NELL1: variants seen among roughly 807,000 people sequenced by gnomAD.
NELL1 encodes neural EGFL like 1.
Under a neutral mutation model 107.4 loss-of-function variants are expected in NELL1, and 76 were observed. That is an observed-to-expected ratio of 0.71 (90% CI 0.59 to 0.86). The LOEUF (loss-of-function observed/expected upper bound fraction) is 0.86. Among genes scored for constraint, NELL1 ranks in the 40% least tolerant of loss-of-function variants. The pLI, the probability that NELL1 is intolerant of heterozygous loss-of-function variation, is 0.00. For synonymous variants in NELL1, 353 were observed against 341.2 expected (o/e 1.03, Z -0.38); for missense variants, 1,024 against 1,005.5 (o/e 1.02, Z -0.25).
At chr11:20,797,117 C>T (rs754147773) in intron 3 of NELL1, among the ~76,000 whole-genome samples, 24 of 152,062 alleles carry the variant, frequency 1.6e-4, no homozygotes, top group African/African-American at 5.6e-4. Flanking sequence ...GTAAGCAATG[C>T]GTAATGGTTT....
chr11:20,744,590 G>T (rs1407521958), intron 2 of NELL1, among the ~76,000 whole-genome samples: 1 of 152,232 alleles, frequency 6.6e-6, no homozygotes, highest in South Asian at 2.1e-4. Flanking sequence ...TGCTCCATAG[G>T]TGGTCCTTCT....
intron 12 of NELL1, among the ~76,000 whole-genome samples, chr11:21,051,425 G>A (rs1015763135): frequency 6.6e-6 from 1 of 151,824 alleles, no homozygotes; most frequent in Admixed American, 6.6e-5. Flanking sequence ...ACTATACATT[G>A]GGTACGTGTA....
In NELL1 at chr11:21,515,424, G is replaced by A. The variant is rs143969314; in HGVS notation, c.1646-18950G>A. On this transcript the variant is annotated intron_variant, in intron 15 of 19. Coordinates refer to ENST00000357134, the MANE Select transcript of NELL1 (RefSeq NM_006157.5). ...AACATGTTTAACTAATTCTCTGTGG[G>A]GGGCCTTCCTCTTGCTACCTGCCAC... 1.2e-4 allele frequency among the ~76,000 whole-genome samples: 18 copies of A among 152,212 alleles called. No individual in the cohort carries two copies. In the East Asian group the frequency reaches 3.5e-3, roughly 29 times the overall value.
intron 2 of NELL1, among the ~76,000 whole-genome samples, chr11:20,748,309 T>C (rs1373544315): frequency 2.6e-5 from 4 of 152,240 alleles, no homozygotes; most frequent in Non-Finnish European, 4.4e-5. Context: ...TTTTGATTCC[T>C]TGAATACCTC....
intron 14 of NELL1, among the ~76,000 whole-genome samples, chr11:21,342,416 G>T (rs1342262611): frequency 2.7e-5 from 4 of 148,802 alleles, no homozygotes; most frequent in African/African-American, 7.4e-5. Context: ...TTAAGTGGGG[G>T]GGGGGGTCAC....
chr11:20,835,192 C>A (rs1390335750), intron 3 of NELL1, among the ~76,000 whole-genome samples: 1 of 152,122 alleles, frequency 6.6e-6, no homozygotes, highest in Non-Finnish European at 1.5e-5. Flanking sequence ...CTCACATCAC[C>A]GTTCAAGATT....
chr11:21,293,429 C>A (rs1849313374), intron 14 of NELL1, among the ~76,000 whole-genome samples: 1 of 152,090 alleles, frequency 6.6e-6, no homozygotes, highest in Non-Finnish European at 1.5e-5. Flanking sequence ...AGTCAGGAGA[C>A]AACAGATGCT....
chr11:20,730,435 A>T (rs1855612747), intron 2 of NELL1, among the ~76,000 whole-genome samples: 1 of 152,172 alleles, frequency 6.6e-6, no homozygotes, highest in African/African-American at 2.4e-5. Context: ...CACAAATTTA[A>T]GTCCATTGTA....
chr11:20,952,183 G>C (rs746778708), intron 11 of NELL1, among the ~76,000 whole-genome samples: 1 of 152,072 alleles, frequency 6.6e-6, no homozygotes, highest in African/African-American at 2.4e-5. Context: ...CTGGTAATCA[G>C]CTCTAATTGT....
intron 12 of NELL1, among the ~76,000 whole-genome samples, chr11:20,964,854 G>A (rs1290393932): frequency 1.3e-5 from 2 of 151,980 alleles, no homozygotes; most frequent in Non-Finnish European, 2.9e-5. Context: ...CCAGGTCAGG[G>A]CTTCTCCTTT....
At chr11:21,033,586 G>T (rs1238414089) in intron 12 of NELL1, among the ~76,000 whole-genome samples, 1 of 151,976 alleles carries the variant, frequency 6.6e-6, no homozygotes, top group Non-Finnish European at 1.5e-5. Context: ...TTTTATGGCT[G>T]CATAGTATTC....
rs1167706663 is a variant in NELL1 at position 21,171,142 on chromosome 11, T to C, written c.1426+57428T>C. Among the ~76,000 whole-genome samples, 3 of 151,998 alleles carry C rather than the reference T, an allele frequency of 2.0e-5. No individual in the cohort carries two copies. The East Asian group carries it at 5.8e-4, about 29-fold the overall frequency. ...ATTCTGAAACATCATGTTTTCTACATTTTCTCATCTGCTGACATAATGATT... is the reference window on the plus strand; with the variant it reads ...ATTCTGAAACATCATGTTTTCTACACTTTCTCATCTGCTGACATAATGATT... On this transcript the variant is annotated intron_variant, in intron 13 of 19. Coordinates refer to ENST00000357134, the MANE Select transcript of NELL1 (RefSeq NM_006157.5).
intron 15 of NELL1, among the ~76,000 whole-genome samples, chr11:21,514,944 C>T (rs1440312601): frequency 1.3e-5 from 2 of 152,092 alleles, no homozygotes; most frequent in African/African-American, 4.8e-5. Flanking sequence ...ATGGTCACAG[C>T]GATGGCAATG....
At chr11:20,701,584 A>C (rs1854789337) in intron 2 of NELL1, among the ~76,000 whole-genome samples, 1 of 152,152 alleles carries the variant, frequency 6.6e-6, no homozygotes, top group Non-Finnish European at 1.5e-5. Context: ...GTCCTTGCCC[A>C]TGCCTATGTC....
At chr11:20,730,071 T>C (rs1855596719) in intron 2 of NELL1, among the ~76,000 whole-genome samples, 1 of 152,156 alleles carries the variant, frequency 6.6e-6, no homozygotes, top group African/African-American at 2.4e-5. Context: ...GCTTCCCCGT[T>C]GAAACAAATA....
At chr11:21,291,086 G>A (rs988842227) in intron 14 of NELL1, among the ~76,000 whole-genome samples, 2 of 152,112 alleles carry the variant, frequency 1.3e-5, no homozygotes, top group African/African-American at 4.8e-5. Context: ...AGGAAGCTAA[G>A]AACATTGAAA....
intron 15 of NELL1, among the ~76,000 whole-genome samples, chr11:21,459,503 G>A (rs988731605): frequency 4.6e-5 from 7 of 151,908 alleles, no homozygotes; most frequent in Non-Finnish European, 1.0e-4. Context: ...GGGAGGAACT[G>A]CAGTACTTGC....
At chr11:21,527,248 C>T (rs2133962843) in intron 15 of NELL1, among the ~76,000 whole-genome samples, 1 of 152,288 alleles carries the variant, frequency 6.6e-6, no homozygotes, top group Middle Eastern at 3.4e-3. Flanking sequence ...ACCACCTCAG[C>T]CTGGACTTTA....
chr11:20,717,003 A>G (rs1224296936), intron 2 of NELL1, among the ~76,000 whole-genome samples: 1 of 152,210 alleles, frequency 6.6e-6, no homozygotes, highest in Non-Finnish European at 1.5e-5. Context: ...GAACTACTGC[A>G]TAATACCACA....
Sources: gnomAD v4.1 joint callset for allele counts (sites outside exome capture counted in the v4.1 genomes callset) on GRCh38, gnomAD v4.1.1 for gene constraint, MANE v1.5 for transcripts, NCBI Gene and HGNC (gene_info 2026-07-23, HGNC 2026-07-21) for gene names.